Variants in PTPRT observed in about 807,000 individuals in gnomAD.
PTPRT encodes protein tyrosine phosphatase receptor type T.
PTPRT carries 56 observed loss-of-function variants against 176.8 expected under a neutral mutation model. The ratio of observed to expected loss-of-function variants is 0.32; its 90% CI spans 0.26 to 0.40. PTPRT has a LOEUF of 0.40. PTPRT is among the 10% of genes least tolerant of loss of function. The probability of loss-of-function intolerance (pLI) is 1.00; values close to 1 mark genes in which losing one functional copy is unlikely to be tolerated. For missense variants in PTPRT, 1,540 were observed against 1,908.2 expected (o/e 0.81, Z 3.60); for synonymous variants, 783 against 739.0 (o/e 1.06, Z -0.96).
intron 6 of PTPRT, among the ~76,000 whole-genome samples, chr20:42,737,497 GGTGGGAGTCTGTAATCCCA>G (rs2076557132): frequency 6.6e-6 from 1 of 152,166 alleles, no homozygotes. Flanking sequence ...CGGGCATGGT[GGTGGGAGTCTGTAATCCCA>G]GCTACTCGGG....
the PTPRT span, among the ~76,000 whole-genome samples, chr20:42,042,832 C>G: frequency 6.6e-6 from 1 of 152,266 alleles, no homozygotes; most frequent in Admixed American, 6.5e-5. Context: ...GGACCACAGT[C>G]TTCCTGACTT....
intron 1 of PTPRT, among the ~76,000 whole-genome samples, chr20:43,018,633 A>G (rs1019670242): frequency 3.9e-5 from 6 of 152,234 alleles, no homozygotes; most frequent in Non-Finnish European, 5.9e-5. Flanking sequence ...TTAAAATGTG[A>G]AGTGTGCTTA....
intron 2 of PTPRT, among the ~76,000 whole-genome samples, chr20:42,824,410 T>G (rs1250630226): frequency 6.6e-6 from 1 of 152,026 alleles, no homozygotes. Flanking sequence ...AGTGTTGTAC[T>G]GACATAAAAA....
At chr20:42,131,509 A>G (rs139813104) in intron 18 of PTPRT, among the ~76,000 whole-genome samples, 1 of 152,360 alleles carries the variant, frequency 6.6e-6, no homozygotes, top group Non-Finnish European at 1.5e-5. Flanking sequence ...AAAACCGGAA[A>G]GCAAAAATGA....
At chr20:42,257,636 T>TCCCCCCCCCCCCCCCCCCCCCCCCCC (rs1485904252) in intron 13 of PTPRT, among the ~76,000 whole-genome samples, 1 of 6,650 alleles carries the variant, frequency 1.5e-4, no homozygotes, top group Non-Finnish European at 2.8e-4. Flanking sequence ...GTGTAGCACC[T>TCCCCCCCCCCCCCCCCCCCCCCCCCC]CCCCCCACCC....
intron 7 of PTPRT, among the ~76,000 whole-genome samples, chr20:42,513,201 G>C (rs979207617): frequency 6.9e-6 from 1 of 144,566 alleles, no homozygotes; most frequent in Admixed American, 6.9e-5. Context: ...CTATTGATGG[G>C]GTGTGTGTGT....
At chr20:42,282,888 A>G (rs1004978175) in intron 12 of PTPRT, among the ~76,000 whole-genome samples, 4 of 152,280 alleles carry the variant, frequency 2.6e-5, no homozygotes, top group African/African-American at 9.6e-5. Context: ...GTTCAGTTGC[A>G]TGAGTGAGCA....
intron 6 of PTPRT, among the ~76,000 whole-genome samples, chr20:42,691,976 T>A (rs1043460075): frequency 6.6e-6 from 1 of 152,208 alleles, no homozygotes; most frequent in African/African-American, 2.4e-5. Flanking sequence ...ATCTTATTCA[T>A]GTATTTCTCA....
chr20:42,649,450 C>A (rs1242827424), intron 7 of PTPRT, among the ~76,000 whole-genome samples: 1 of 152,112 alleles, frequency 6.6e-6, no homozygotes, highest in Non-Finnish European at 1.5e-5. Context: ...GATGGCCATG[C>A]AGAACACTCA....
chr20:42,590,473 A>T (rs2051916599), intron 7 of PTPRT, among the ~76,000 whole-genome samples: 1 of 152,178 alleles, frequency 6.6e-6, no homozygotes, highest in Admixed American at 6.5e-5. Flanking sequence ...GTTGAAGCAG[A>T]CTTTGTCCCT....
intron 3 of PTPRT, among the ~76,000 whole-genome samples, chr20:42,786,656 C>T (rs2077295274): frequency 1.3e-5 from 2 of 152,152 alleles, no homozygotes; most frequent in Admixed American, 6.5e-5. Context: ...TATGACTGTC[C>T]CTGTACTCAG....
At chr20:42,869,058 T>C (rs1440332952) in intron 2 of PTPRT, among the ~76,000 whole-genome samples, 1 of 152,158 alleles carries the variant, frequency 6.6e-6, no homozygotes, top group Non-Finnish European at 1.5e-5. Flanking sequence ...GGGGCATGGC[T>C]ACCTCCACCC....
intron 13 of PTPRT, among the ~76,000 whole-genome samples, chr20:42,268,648 G>A (rs2056879445): frequency 6.6e-6 from 1 of 152,202 alleles, no homozygotes; most frequent in Admixed American, 6.5e-5. Flanking sequence ...TTTTTAATAT[G>A]ACTGCATGAA....
At chr20:42,222,714 C>T (rs1165273717) in intron 15 of PTPRT, among the ~76,000 whole-genome samples, 3 of 152,220 alleles carry the variant, frequency 2.0e-5, no homozygotes, top group Admixed American at 1.3e-4. Context: ...TCCCCCAAAC[C>T]CCACCCTATG....
chr20:43,003,575 C>A (rs1164559803), intron 1 of PTPRT, among the ~76,000 whole-genome samples: 1 of 152,184 alleles, frequency 6.6e-6, no homozygotes, highest in African/African-American at 2.4e-5. Flanking sequence ...ATGGGCATCA[C>A]CTGATTAGTC....
intron 6 of PTPRT, among the ~76,000 whole-genome samples, chr20:42,697,123 A>G (rs1042193496): frequency 1.1e-4 from 16 of 152,244 alleles, no homozygotes; most frequent in African/African-American, 3.9e-4. Flanking sequence ...GCACCAGAGA[A>G]AAAAACAAAA....
intron 1 of PTPRT, among the ~76,000 whole-genome samples, chr20:43,035,308 G>A (rs960604565): frequency 3.9e-5 from 6 of 152,162 alleles, no homozygotes; most frequent in Admixed American, 6.5e-5. Context: ...TAGAGTGTCT[G>A]GAGGTCTGTG....
chr20:42,360,536 G>T (rs1324661990), intron 9 of PTPRT, among the ~76,000 whole-genome samples: 1 of 152,160 alleles, frequency 6.6e-6, no homozygotes, highest in African/African-American at 2.4e-5. Context: ...TGGGTGCTAT[G>T]ATTTTGTTAT....
intron 9 of PTPRT, among the ~76,000 whole-genome samples, chr20:42,377,873 A>T (rs2145621745): frequency 6.6e-6 from 1 of 152,374 alleles, no homozygotes; most frequent in East Asian, 1.9e-4. Flanking sequence ...TCACAAAAAT[A>T]ACACTATAGG....
Sources: gnomAD v4.1 joint callset for allele counts (sites outside exome capture counted in the v4.1 genomes callset) on GRCh38, gnomAD v4.1.1 for gene constraint, MANE v1.5 for transcripts, NCBI Gene and HGNC (gene_info 2026-07-23, HGNC 2026-07-21) for gene names.